Variants in ZNF493 observed in about 807,000 individuals in gnomAD.
ZNF493 encodes zinc finger protein 493.
ZNF493 carries 11 observed loss-of-function variants against 12.2 expected under a neutral mutation model. The ratio of observed to expected loss-of-function variants is 0.90; its 90% CI spans 0.57 to 1.50. ZNF493 has a LOEUF of 1.50. ZNF493 is among the 40% of genes most tolerant of loss of function. ZNF493 has a pLI of 0.00. For missense variants in ZNF493, 950 were observed against 906.6 expected (o/e 1.05, Z -0.61); for synonymous variants, 286 against 302.6 (o/e 0.95, Z 0.57).
intron 1 of ZNF493, 107 bp from the exon 2 acceptor site, chr19:21,405,022 C>G: frequency 1.3e-6 from 2 of 1,503,400 alleles, no homozygotes; most frequent in Non-Finnish European, 1.8e-6. Context: ...TCCTGTAAGT[C>G]AGAACGAATT....
rs771543817 is a variant in ZNF493, at chr19:21,424,682, CAT to C, written c.2025_2026del (p.His675GlnfsTer6). 1.2e-6 allele frequency: 2 copies of C among 1,613,406 alleles called. No individual in the cohort carries two copies. Among genetic ancestry groups the C allele is most frequent in the Non-Finnish European group, 1.7e-6 (2 of 1,179,650 alleles). ...AFSIFSTLTK[H>X]KIIHTEEKPY... ...TAGTATATTCTCAACCCTTACTAAA[CAT>C]AAGATAATTCATACTGAAGAGAAAC... On this transcript the variant is annotated frameshift_variant, in exon 4 of 4. Coordinates refer to ENST00000392288, the MANE Select transcript of ZNF493 (RefSeq NM_001076678.3). LOFTEE classifies it low-confidence loss of function (END_TRUNC).
At chr19:21,421,529 C>A (rs1256956766) in intron 3 of ZNF493, among the ~76,000 whole-genome samples, 2 of 152,004 alleles carry the variant, frequency 1.3e-5, no homozygotes, top group South Asian at 2.1e-4. Flanking sequence ...CCATGCCAGA[C>A]TAATTTTGTA....
Position 21,424,428 on chromosome 19 carries a change from A to C in ZNF493, c.1769A>C (p.Lys590Thr). 1 of 1,609,688 alleles carries C rather than the reference A, an allele frequency of 6.2e-7. No individual in the cohort carries two copies. Among genetic ancestry groups the C allele is most frequent in the Admixed American group, 1.7e-5 (1 of 59,032 alleles). Residue 590 changes from lysine (K) to threonine (T), a missense_variant, in exon 4 of 4, where the codon AAA (lysine) becomes ACA (threonine). By Grantham distance (78) the Lys-to-Thr change is moderately conservative. Transcript: ENST00000392288. ...TTTAGTGTATTCTCAACCCTTACTA[A>C]ACACAAGATAATTCATACTGATAAG... ...KSFSVFSTLT[K>T]HKIIHTDKKP...
In ZNF493 at chr19:21,405,769, G is replaced by C. The variant is rs1442019223; in HGVS notation, c.166G>C (p.Val56Leu). The change falls in exon 3 of 4, where the codon GTC (valine) becomes CTC (leucine). Residue 56 changes from valine (V) to leucine (L), a missense_variant. Physicochemically the swap from Val to Leu is conservative, Grantham distance 32. Coordinates refer to ENST00000392288, the MANE Select transcript of ZNF493 (RefSeq NM_001076678.3). ...TATTTTTAATAAAGCAGGTATTGCT[G>C]TCTCTAAGCCAGATCTGGTCACCTG... The part of the protein sequence containing the change: ...YRNLVFLGIA[V>L]SKPDLVTCLE... 4 of 1,611,580 alleles carry C rather than the reference G, an allele frequency of 2.5e-6. No homozygotes were observed. Among genetic ancestry groups the C allele is most frequent in the Non-Finnish European group, 3.4e-6 (4 of 1,178,962 alleles).
intron 1 of ZNF493, among the ~76,000 whole-genome samples, chr19:21,404,030 T>C (rs1399761759): frequency 6.6e-6 from 1 of 152,178 alleles, no homozygotes; most frequent in African/African-American, 2.4e-5. Context: ...ATAAATAACA[T>C]GTAATGTTGT....
At position 21,424,975 on chromosome 19, in the gene ZNF493, A is replaced by G. The variant is rs2030816574; in HGVS notation, c.2316A>G (p.Val772=). ...IHIGIHTEET[V]QK ...TTGGAATTCATACTGAAGAGACTGT[A>G]CAAAAGTGAAGAATGTGGCAAAGGC... Residue 772 remains valine, a synonymous_variant, in exon 4 of 4, where the codon GTA becomes GTG. Transcript: ENST00000392288. 6.3e-7 allele frequency: 1 copy of G among 1,586,998 alleles called. No homozygotes were observed. The highest frequency in any genetic ancestry group is 8.6e-7 in the Non-Finnish European group (1 of 1,169,086).
chr19:21,423,580 C>G lies in ZNF493; in HGVS notation c.921C>G (p.Thr307=), dbSNP rs772117747. The G allele has an allele frequency of 2.5e-6, 4 of 1,613,616 alleles. No individual in the cohort carries two copies. Among genetic ancestry groups the G allele is most frequent in the Non-Finnish European group, 3.4e-6 (4 of 1,179,778 alleles). ...GCAAAACTTTTAACCAATCTTCAAC[C>G]CTTACTGGACATAAGATAATTCATA... The part of the protein sequence containing the change: ...QYGKTFNQSS[T]LTGHKIIHNG... The change falls in exon 4 of 4, where the codon ACC becomes ACG. Residue 307 remains threonine, a synonymous_variant. Transcript: ENST00000392288.
At chr19:21,415,600 G>A (rs2937171) in intron 3 of ZNF493, among the ~76,000 whole-genome samples, 12 of 152,248 alleles carry the variant, frequency 7.9e-5, no homozygotes, top group African/African-American at 2.6e-4. Context: ...TCAAGTGGCG[G>A]CAGCACAAAG....
chr19:21,426,479 G>C lies in ZNF493; in HGVS notation c.*1495G>C, dbSNP rs1216854449. The C allele has an allele frequency of 6.0e-6, 1 of 167,430 alleles. No homozygotes were observed. Among genetic ancestry groups the C allele is most frequent in the African/African-American group, 2.4e-5 (1 of 41,436 alleles). The allele number at this position is 167,430 out of a possible 1,614,324, so 10.4% of individuals were successfully genotyped here. On this transcript the variant is annotated 3_prime_UTR_variant, in exon 4 of 4. Coordinates refer to ENST00000392288, the MANE Select transcript of ZNF493 (RefSeq NM_001076678.3). ...CTTTCAGAAAATATTATCCTTTAAA[G>C]TGAAGGAGAGTATTTATATTAAAGA... is the stretch of plus-strand genomic sequence containing the variant.
intron 3 of ZNF493, among the ~76,000 whole-genome samples, chr19:21,419,343 C>A (rs148501581): frequency 6.6e-6 from 1 of 152,090 alleles, no homozygotes; most frequent in East Asian, 1.9e-4. Flanking sequence ...TATTAGGGTT[C>A]TCTAGAGGGA....
intron 1 of ZNF493, chr19:21,398,493 T>C: frequency 3.6e-6 from 1 of 278,010 alleles, no homozygotes; most frequent in Non-Finnish European, 6.9e-6. Context: ...AGCCACCCTT[T>C]GGTTTTTTCC....
At chr19:21,405,068 T>C in intron 1 of ZNF493, 61 bp from the exon 2 acceptor site, 1 of 1,540,546 alleles carries the variant, frequency 6.5e-7, no homozygotes. Flanking sequence ...ATTCAAATGA[T>C]AAATTTTGCC....
intron 1 of ZNF493, chr19:21,397,599 C>G (rs979039997): frequency 3.8e-6 from 2 of 522,834 alleles, no homozygotes; most frequent in Middle Eastern, 5.0e-4. Flanking sequence ...ACTTGGGGTG[C>G]GGGTTCATGA....
In ZNF493 at chr19:21,424,264, TA is replaced by T; in HGVS notation, c.1609del (p.Met537Ter). 1.2e-6 allele frequency: 2 copies of T among 1,612,072 alleles called. No individual in the cohort carries two copies. The highest frequency in any genetic ancestry group is 8.5e-7 in the Non-Finnish European group (1 of 1,178,864). On this transcript the variant is annotated frameshift_variant, in exon 4 of 4. Transcript: ENST00000392288. LOFTEE classifies it low-confidence loss of function (END_TRUNC). ...AACGATCTTCAACCCTTACTATACA[TA>T]AAATGATTCACACTGGAGAAAAACC... ...FKRSSTLTIH[K>X]MIHTGEKPYK...
chr19:21,405,088 A>ATGTGTG (rs35143973), intron 1 of ZNF493, 41 bp from the exon 2 acceptor site: 51 of 1,423,558 alleles, frequency 3.6e-5, no homozygotes, highest in Middle Eastern at 1.9e-4. Flanking sequence ...CCACGTGTAA[A>ATGTGTG]TGTGTGTGTG....
chr19:21,420,655 T>TTTTTTTTTTTTTTC lies in ZNF493; in HGVS notation c.254-2258_254-2257insTTTTTTTTTTTTTC, dbSNP rs766934918. On this transcript the variant is annotated intron_variant, in intron 3 of 3. Coordinates refer to ENST00000392288, the MANE Select transcript of ZNF493 (RefSeq NM_001076678.3). The stretch of plus-strand genomic sequence containing the variant: ...TTTTTTTTTTTTTTTTTTTTTTTTT[T>TTTTTTTTTTTTTTC]CAGAACTTTGACTATATCACACAAT... Among the ~76,000 whole-genome samples the TTTTTTTTTTTTTTC allele has an allele frequency of 4.3e-5, 2 of 46,514 alleles. 1 individual carries two copies. Among genetic ancestry groups the TTTTTTTTTTTTTTC allele is most frequent in the Non-Finnish European group, 7.5e-5 (2 of 26,594 alleles). The allele number at this position is 46,514 out of a possible 152,430, so 30.5% of individuals were successfully genotyped here. A position where few individuals can be genotyped will look rare whatever the true frequency, so the allele number is the denominator to read the frequency against.
intron 3 of ZNF493, chr19:21,407,983 C>T: frequency 9.1e-6 from 9 of 985,138 alleles, no homozygotes; most frequent in Middle Eastern, 5.2e-4. Context: ...CTTGTGTTCC[C>T]CAGGGTTTTG....
chr19:21,424,742 T>A lies in ZNF493; in HGVS notation c.2083T>A (p.Tyr695Asn). Reference protein sequence around the residue: ...YKCEKCGKTFYRFSNLNTHKI... With the variant: ...YKCEKCGKTFNRFSNLNTHKI... ...ATGTGAAAAATGTGGCAAAACTTTC[T>A]ACCGATTCTCAAACCTTAATACGCA... is the stretch of plus-strand genomic sequence containing the variant. The change falls in exon 4 of 4, where the codon TAC (tyrosine) becomes AAC (asparagine). Residue 695 changes from tyrosine to asparagine, a missense_variant. Coordinates refer to ENST00000392288, the MANE Select transcript of ZNF493 (RefSeq NM_001076678.3). The A allele has an allele frequency of 6.2e-7, 1 of 1,610,772 alleles. No homozygotes were observed. The highest frequency in any genetic ancestry group is 2.2e-5 in the East Asian group (1 of 44,648).
chr19:21,423,909 C>G lies in ZNF493; in HGVS notation c.1250C>G (p.Ser417Cys), dbSNP rs146928543. 1.2e-5 allele frequency: 19 copies of G among 1,612,930 alleles called. No individual in the cohort carries two copies. The African/African-American group carries it at 1.7e-4, about 15-fold the overall frequency. The change falls in exon 4 of 4, where the codon TCT (serine) becomes TGT (cysteine). Residue 417 changes from serine to cysteine, a missense_variant. Coordinates refer to ENST00000392288, the MANE Select transcript of ZNF493 (RefSeq NM_001076678.3). Reference protein sequence around the residue: ...CEECGKAYKESSHLTTHKRIH... With the variant: ...CEECGKAYKECSHLTTHKRIH... ...GAATGTGGCAAAGCTTATAAGGAGT[C>G]TTCACACCTTACTACACATAAAAGA... is the stretch of plus-strand genomic sequence containing the variant.
Sources: gnomAD v4.1 joint callset for allele counts (sites outside exome capture counted in the v4.1 genomes callset) on GRCh38, gnomAD v4.1.1 for gene constraint, MANE v1.5 for transcripts, NCBI Gene and HGNC (gene_info 2026-07-23, HGNC 2026-07-21) for gene names.